Variants in ZSCAN30 observed in about 807,000 individuals in gnomAD.
The protein encoded by ZSCAN30 is zinc finger and SCAN domain-containing protein 30.
Under a neutral mutation model 44.3 loss-of-function variants are expected in ZSCAN30, and 37 were observed. The observed-to-expected ratio is 0.84, with a 90% CI of 0.64 to 1.10. The LOEUF is 1.10. Ranked by LOEUF, ZSCAN30 falls within the 50% of genes least tolerant of loss-of-function variation. ZSCAN30 has a pLI of 0.00. For missense variants in ZSCAN30, 549 were observed against 582.6 expected (o/e 0.94, Z 0.59); for synonymous variants, 181 against 204.6 (o/e 0.88, Z 0.98).
At chr18:35,265,092 G>A (rs1186837298) in intron 1 of ZSCAN30, among the ~76,000 whole-genome samples, 2 of 151,552 alleles carry the variant, frequency 1.3e-5, no homozygotes, top group Non-Finnish European at 2.9e-5. Context: ...CTTGCAGTGA[G>A]CCAAGATGGC....
rs560311402 is a variant in ZSCAN30, at chr18:35,279,719, T to C, written c.-104+10365A>G. On this transcript the variant is annotated intron_variant, in intron 1 of 3. Coordinates refer to ENST00000333206, the MANE Select transcript of ZSCAN30 (RefSeq NM_001112734.4). ...AAGCCTTGGAGCACTCCAAGTCCTA[T>C]TTTATAAAGACACTTAATCCCACTC... is the stretch of plus-strand genomic sequence containing the variant. Among the ~76,000 whole-genome samples the C allele has an allele frequency of 1.2e-4, 19 of 152,320 alleles. 1 individual carries two copies. The South Asian group carries it at 3.7e-3, about 30-fold the overall frequency.
At chr18:35,274,488 G>A (rs2044337578) in intron 1 of ZSCAN30, among the ~76,000 whole-genome samples, 1 of 152,110 alleles carries the variant, frequency 6.6e-6, no homozygotes, top group Admixed American at 6.5e-5. Flanking sequence ...TCTGTGGAAG[G>A]GCTGGTTTAC....
chr18:35,271,595 T>C (rs976206592), intron 1 of ZSCAN30, among the ~76,000 whole-genome samples: 4 of 152,224 alleles, frequency 2.6e-5, no homozygotes, highest in African/African-American at 9.6e-5. Context: ...CTTTGCCTAG[T>C]GGAACCCGTG....
At chr18:35,257,666 C>T (rs1396738845) in intron 3 of ZSCAN30, among the ~76,000 whole-genome samples, 1 of 152,120 alleles carries the variant, frequency 6.6e-6, no homozygotes, top group Non-Finnish European at 1.5e-5. Flanking sequence ...CAGTCCTAAC[C>T]GATTAAGACA....
intron 1 of ZSCAN30, chr18:35,266,657 A>ATTTTTTTTTTTTTTTTTTT (rs34611791): frequency 3.8e-5 from 3 of 78,612 alleles, no homozygotes; most frequent in Non-Finnish European, 6.9e-5. Context: ...ATTTCTCCTA[A>ATTTTTTTTTTTTTTTTTTT]TTTTTTTTTT....
intron 3 of ZSCAN30, 146 bp from the exon 4 acceptor site, chr18:35,254,527 G>C (rs778795636): frequency 6.9e-5 from 104 of 1,500,558 alleles, no homozygotes; most frequent in Middle Eastern, 1.8e-4. Flanking sequence ...AGAATTCAGA[G>C]AAGTGGCCTG....
At chr18:35,268,465 ATAAAC>A (rs1364114867) in intron 1 of ZSCAN30, 1 of 152,266 alleles carries the variant, frequency 6.6e-6, no homozygotes, top group Non-Finnish European at 1.5e-5. Context: ...CTTTTGGAAA[ATAAAC>A]GGGATTGTGA....
chr18:35,276,506 C>G lies in ZSCAN30; in HGVS notation c.-103-12051G>C, dbSNP rs571620287. On this transcript the variant is annotated intron_variant, in intron 1 of 3. Transcript: ENST00000333206. ...CTGTGTGCAGCCTAGGGACTTGTTG[C>G]CCTGCATCCTAGCCGCTCCAGCCAT... Among the ~76,000 whole-genome samples, 3 of 152,246 alleles carry G rather than the reference C, an allele frequency of 2.0e-5. No individual in the cohort carries two copies. The East Asian group carries it at 5.8e-4, about 29-fold the overall frequency.
intron 1 of ZSCAN30, chr18:35,268,459 T>G (rs2044208594): frequency 6.6e-6 from 1 of 152,176 alleles, no homozygotes; most frequent in East Asian, 1.9e-4. Context: ...GGAGGTCTTT[T>G]GGAAAATAAA....
intron 1 of ZSCAN30, chr18:35,284,708 A>G (rs1465922325): frequency 6.5e-6 from 1 of 155,006 alleles, no homozygotes; most frequent in Non-Finnish European, 1.5e-5. Flanking sequence ...CCTAGAGTGC[A>G]GAGATATCCA....
chr18:35,263,231 G>T (rs2143699215), intron 3 of ZSCAN30: 1 of 353,766 alleles, frequency 2.8e-6, no homozygotes, highest in Non-Finnish European at 5.2e-6. Context: ...GTGATAGAGT[G>T]AGACCCCATC....
chr18:35,254,699 G>A, intron 3 of ZSCAN30: 1 of 406,722 alleles, frequency 2.5e-6, no homozygotes, highest in South Asian at 2.6e-5. Context: ...TCTTGGGTTA[G>A]AGAAGATACG....
intron 1 of ZSCAN30, among the ~76,000 whole-genome samples, chr18:35,275,046 T>C (rs1049767067): frequency 1.4e-4 from 22 of 152,242 alleles, no homozygotes; most frequent in Non-Finnish European, 1.2e-4. Flanking sequence ...TCTACAAATT[T>C]TACAAAAAGT....
At chr18:35,274,419 C>T (rs2044336625) in intron 1 of ZSCAN30, among the ~76,000 whole-genome samples, 1 of 152,182 alleles carries the variant, frequency 6.6e-6, no homozygotes, top group Non-Finnish European at 1.5e-5. Flanking sequence ...TCATCACAAA[C>T]CAGTTTTAGG....
rs964329224 is a variant in ZSCAN30, at chr18:35,251,593, T to C, written c.*1857A>G. On this transcript the variant is annotated 3_prime_UTR_variant, in exon 4 of 4. Transcript: ENST00000333206. Reference sequence around the variant, plus strand: ...GAGGGAGGGTCGTGGTGGGAGGTGATTAGATCATGGGAGCAGATTTCCCCC... The same window carrying C: ...GAGGGAGGGTCGTGGTGGGAGGTGACTAGATCATGGGAGCAGATTTCCCCC... 1 of 152,064 alleles carries C rather than the reference T, an allele frequency of 6.6e-6. No homozygotes were observed. The highest frequency in any genetic ancestry group is 1.5e-5 in the Non-Finnish European group (1 of 68,024). The allele number at this position is 152,064 out of a possible 1,614,324, so 9.4% of individuals were successfully genotyped here. A position where few individuals can be genotyped will look rare whatever the true frequency, so the allele number is the denominator to read the frequency against.
chr18:35,254,492 G>A (rs1435127120), intron 3 of ZSCAN30, 111 bp from the exon 4 acceptor site: 1 of 1,558,058 alleles, frequency 6.4e-7, no homozygotes, highest in Admixed American at 1.9e-5. Context: ...TAGGAGGACA[G>A]TTCTCAAAAC....
Position 35,254,472 on chromosome 18 carries a change from A to ATTTAT in ZSCAN30, c.554-96_554-92dup, listed in dbSNP as rs1467256464. On this transcript the variant is annotated intron_variant, in intron 3 of 3. Coordinates refer to ENST00000333206, the MANE Select transcript of ZSCAN30 (RefSeq NM_001112734.4). ...GGAACACAAACTCAATGAAATAGGT[A>ATTTAT]TTTATTTATTAGGAGGACAGTTCTC... is the stretch of plus-strand genomic sequence containing the variant. 2.5e-6 allele frequency: 4 copies of ATTTAT among 1,590,274 alleles called. No homozygotes were observed. In the African/African-American group the frequency reaches 5.4e-5, roughly 21 times the overall value.
rs909774961 is a variant in ZSCAN30 at position 35,253,719 on chromosome 18, T to C, written c.1216A>G (p.Ile406Val). 1 of 1,614,144 alleles carries C rather than the reference T, an allele frequency of 6.2e-7. No individual in the cohort carries two copies. Among genetic ancestry groups the C allele is most frequent in the Non-Finnish European group, 8.5e-7 (1 of 1,180,004 alleles). ...RSSALIQHKK[I>V]HTGDKSYECI... ...TCATAGCTTTTATCTCCAGTGTGAATTTTCTTATGCTGAATAAGGGCTGAG... is the reference window on the plus strand; with the variant it reads ...TCATAGCTTTTATCTCCAGTGTGAACTTTCTTATGCTGAATAAGGGCTGAG... Residue 406 changes from isoleucine (I) to valine (V), a missense_variant, in exon 4 of 4, where the codon ATT becomes GTT. Coordinates refer to ENST00000333206, the MANE Select transcript of ZSCAN30 (RefSeq NM_001112734.4).
At position 35,263,576 on chromosome 18, in the gene ZSCAN30, C is replaced by A; in HGVS notation, c.490G>T (p.Val164Leu). ...TTGCACTGGTTCTCTAAGGGCTGCA[C>A]CGGGCTATTCAGAGACAGAGACTTC... is the stretch of plus-strand genomic sequence containing the variant. ...ALKSLSLNSPVQPLENQCKTE... is the reference protein window; with the variant it reads ...ALKSLSLNSPLQPLENQCKTE... The change falls in exon 3 of 4, where the codon GTG (valine) becomes TTG (leucine). Residue 164 changes from valine to leucine, a missense_variant. Transcript: ENST00000333206. 6.2e-7 allele frequency: 1 copy of A among 1,614,188 alleles called. No homozygotes were observed. Among genetic ancestry groups the A allele is most frequent in the Non-Finnish European group, 8.5e-7 (1 of 1,180,052 alleles).
Sources: allele counts gnomAD v4.1 joint callset (sites outside exome capture counted in the v4.1 genomes callset), GRCh38; gene constraint gnomAD v4.1.1; transcripts MANE v1.5; gene names NCBI Gene and HGNC (gene_info 2026-07-23, HGNC 2026-07-21).